Variants in OCIAD1 observed in about 807,000 individuals in gnomAD.
OCIAD1 encodes OCIA domain containing 1.
In OCIAD1, 29 loss-of-function variants were observed where a neutral mutation model predicts 38.9. The ratio of observed to expected loss-of-function variants is 0.74; its 90% CI spans 0.55 to 1.02. The LOEUF is 1.02. OCIAD1 is among the 50% of genes least tolerant of loss of function. OCIAD1 has a pLI of 0.00. For synonymous variants in OCIAD1, 110 were observed against 92.0 expected (o/e 1.20, Z -1.12); for missense variants, 288 against 289.6 (o/e 0.99, Z 0.04).
At chr4:48,833,695 A>G (rs1387434570) in intron 3 of OCIAD1, among the ~76,000 whole-genome samples, 1 of 152,200 alleles carries the variant, frequency 6.6e-6, no homozygotes, top group Non-Finnish European at 1.5e-5. Context: ...CCATGAGGTA[A>G]TTTTGTTGAT....
chr4:48,833,553 C>A, intron 3 of OCIAD1, 72 bp downstream of exon 3: 1 of 949,640 alleles, frequency 1.1e-6, no homozygotes. Flanking sequence ...GAATTTGAAC[C>A]TGAAATTATA....
intron 1 of OCIAD1, chr4:48,831,492 G>A (rs1777489014): frequency 7.7e-7 from 1 of 1,290,450 alleles, no homozygotes; most frequent in Non-Finnish European, 1.0e-6. Context: ...AGTCTGTAAC[G>A]GCAGGTGGGA....
At chr4:48,847,423 A>G (rs181073570) in intron 4 of OCIAD1, among the ~76,000 whole-genome samples, 59 of 152,214 alleles carry the variant, frequency 3.9e-4, no homozygotes, top group African/African-American at 7.7e-4. Flanking sequence ...AATAGAGTCC[A>G]ATTTATCAGG....
chr4:48,828,303 A>G (rs552647930), upstream of OCIAD1, among the ~76,000 whole-genome samples: 84 of 152,318 alleles, frequency 5.5e-4, no homozygotes, highest in African/African-American at 1.7e-3. Flanking sequence ...AAATGCACCA[A>G]TCAGCACCCT....
chr4:48,807,054 C>T (rs947539040), intron 1 of OCIAD1, among the ~76,000 whole-genome samples: 28 of 152,296 alleles, frequency 1.8e-4, no homozygotes, highest in African/African-American at 6.5e-4. Context: ...CAGGCACACA[C>T]CACCAACAGG....
intron 5 of OCIAD1, among the ~76,000 whole-genome samples, chr4:48,849,061 C>T (rs1382084533): frequency 2.0e-5 from 3 of 151,966 alleles, no homozygotes; most frequent in Non-Finnish European, 4.4e-5. Context: ...AACCAAACAC[C>T]GCATGTTCTC....
At chr4:48,836,254 C>T (rs544525012) in intron 3 of OCIAD1, among the ~76,000 whole-genome samples, 56 of 151,816 alleles carry the variant, frequency 3.7e-4, no homozygotes, top group African/African-American at 9.7e-4. Context: ...GAGCTGGCAA[C>T]GAAAGACTTT....
intron 1 of OCIAD1, among the ~76,000 whole-genome samples, chr4:48,817,872 T>G (rs1406184876): frequency 6.6e-6 from 1 of 152,198 alleles, no homozygotes; most frequent in African/African-American, 2.4e-5. Context: ...TTCTCCTCAC[T>G]GGGCATCTCT....
At chr4:48,852,546 G>C (rs1200422625) in intron 7 of OCIAD1, 1 of 152,158 alleles carries the variant, frequency 6.6e-6, no homozygotes, top group Non-Finnish European at 1.5e-5. Context: ...GCTTGGATTT[G>C]AATCATGATT....
intron 3 of OCIAD1, among the ~76,000 whole-genome samples, chr4:48,836,547 G>A (rs952872646): frequency 6.6e-6 from 1 of 152,160 alleles, no homozygotes; most frequent in South Asian, 2.1e-4. Context: ...TGGTGAATTC[G>A]CCAATAAATT....
chr4:48,807,164 C>T (rs192281261), intron 1 of OCIAD1, among the ~76,000 whole-genome samples: 2 of 152,172 alleles, frequency 1.3e-5, no homozygotes, highest in Non-Finnish European at 2.9e-5. Flanking sequence ...GCCTCAACCT[C>T]CTGAGTAGCT....
In OCIAD1 at chr4:48,842,655, A is replaced by G; in HGVS notation, c.159A>G (p.Thr53=). 6.3e-7 allele frequency: 1 copy of G among 1,576,514 alleles called. No individual in the cohort carries two copies. Among genetic ancestry groups the G allele is most frequent in the Non-Finnish European group, 8.6e-7 (1 of 1,162,254 alleles). The change falls in exon 4 of 9, where the codon ACA becomes ACG. Residue 53 remains threonine, a synonymous_variant. Transcript: ENST00000264312. ...CTATAGCTGTGCCTTTGGCTGCAAC[A>G]AGTATGTTGATTACTCAAGGATTAA... is the stretch of plus-strand genomic sequence containing the variant. ...FWFRSVPLAA[T]SMLITQGLIS... is the part of the protein sequence containing the mutation.
At chr4:48,852,882 G>GTTTTTTTGTTTTTTTTTTT (rs1779635252) in intron 7 of OCIAD1, among the ~76,000 whole-genome samples, 15 of 126,304 alleles carry the variant, frequency 1.2e-4, no homozygotes, top group African/African-American at 4.7e-4. Context: ...TTTGTTTTTT[G>GTTTTTTTGTTTTTTTTTTT]TTTTTTTTTT....
upstream of OCIAD1, among the ~76,000 whole-genome samples, chr4:48,827,901 A>G (rs1269320836): frequency 6.6e-6 from 1 of 152,210 alleles, no homozygotes; most frequent in African/African-American, 2.4e-5. Context: ...TTGTGTATGC[A>G]CCAATCAGCA....
chr4:48,844,653 G>T (rs1357401298), intron 4 of OCIAD1, among the ~76,000 whole-genome samples: 1 of 151,928 alleles, frequency 6.6e-6, no homozygotes, highest in African/African-American at 2.4e-5. Context: ...TTTAAGAAAA[G>T]AATTTGGAAT....
Position 48,855,329 on chromosome 4 carries a change from A to G in OCIAD1, c.548-1884A>G, listed in dbSNP as rs114729850. On this transcript the variant is annotated intron_variant, in intron 7 of 8. Coordinates refer to ENST00000264312, the MANE Select transcript of OCIAD1 (RefSeq NM_017830.4). Reference sequence around the variant, plus strand: ...TATGGTGAAGGGAAATGAGTTCAGTAATTACTTATTACTAATGAAATGCAA... The same window carrying G: ...TATGGTGAAGGGAAATGAGTTCAGTGATTACTTATTACTAATGAAATGCAA... Among the ~76,000 whole-genome samples, 650 of 152,318 alleles carry G rather than the reference A, an allele frequency of 4.3e-3. 3 individuals carry two copies. The highest frequency in any genetic ancestry group is 7.0e-3 in the Non-Finnish European group (477 of 68,030).
chr4:48,834,159 A>T (rs1439447808), intron 3 of OCIAD1, among the ~76,000 whole-genome samples: 1 of 151,416 alleles, frequency 6.6e-6, no homozygotes, highest in Non-Finnish European at 1.5e-5. Context: ...AGGAGGATGA[A>T]TTTTTTTTTG....
At chr4:48,813,031 T>C (rs149130207) in intron 1 of OCIAD1, among the ~76,000 whole-genome samples, 203 of 152,238 alleles carry the variant, frequency 1.3e-3, no homozygotes, top group Middle Eastern at 6.8e-3. Context: ...GAGCTGTGTG[T>C]GTCATAGAGG....
At chr4:48,823,917 T>C (rs574096582) in intron 1 of OCIAD1, among the ~76,000 whole-genome samples, 1 of 147,672 alleles carries the variant, frequency 6.8e-6, no homozygotes, top group Admixed American at 7.0e-5. Flanking sequence ...TCCTTCTGCT[T>C]TGGCCTCCCA....
Sources: gnomAD v4.1 joint callset for allele counts (sites outside exome capture counted in the v4.1 genomes callset) on GRCh38, gnomAD v4.1.1 for gene constraint, MANE v1.5 for transcripts, NCBI Gene and HGNC (gene_info 2026-07-23, HGNC 2026-07-21) for gene names.